Variants in SEMA6A observed in about 807,000 individuals in gnomAD.
SEMA6A encodes semaphorin 6A, also known as semaphorin-6A.
A neutral mutation model predicts 96.8 loss-of-function variants in SEMA6A; 25 were observed. The ratio of observed to expected loss-of-function variants is 0.26; its 90% CI spans 0.19 to 0.36. The LOEUF is 0.36. Ranked by LOEUF, SEMA6A falls within the 10% of genes least tolerant of loss-of-function variation. The pLI is 1.00. For synonymous variants in SEMA6A, 612 were observed against 518.0 expected (o/e 1.18, Z -2.46); for missense variants, 1,363 against 1,323.1 (o/e 1.03, Z -0.47).
At chr5:116,499,680 A>G (rs541196107) in intron 3 of SEMA6A, among the ~76,000 whole-genome samples, 2 of 152,366 alleles carry the variant, frequency 1.3e-5, no homozygotes, top group African/African-American at 4.8e-5. Context: ...TGTCAATGCT[A>G]CAGTGATACA....
At chr5:116,544,948 C>T (rs1217777978) in intron 1 of SEMA6A, among the ~76,000 whole-genome samples, 1 of 152,182 alleles carries the variant, frequency 6.6e-6, no homozygotes, top group Non-Finnish European at 1.5e-5. Context: ...TTTCAGTAAA[C>T]AACTTTCCTT....
chr5:116,450,686 T>C (rs1754569784), intron 18 of SEMA6A, among the ~76,000 whole-genome samples: 1 of 152,162 alleles, frequency 6.6e-6, no homozygotes, highest in African/African-American at 2.4e-5. Flanking sequence ...GAAAATGGTA[T>C]CTCAGACAGA....
At chr5:116,491,052 C>G (rs1430125857) in intron 7 of SEMA6A, among the ~76,000 whole-genome samples, 2 of 152,170 alleles carry the variant, frequency 1.3e-5, no homozygotes, top group Non-Finnish European at 2.9e-5. Context: ...TTAGCACCCT[C>G]CCCTCACCCA....
At chr5:116,542,310 T>C (rs1355113671) in intron 1 of SEMA6A, among the ~76,000 whole-genome samples, 1 of 152,232 alleles carries the variant, frequency 6.6e-6, no homozygotes, top group Non-Finnish European at 1.5e-5. Flanking sequence ...GACACTTCTT[T>C]GAAAAATAAA....
intron 11 of SEMA6A, 101 bp downstream of exon 11, chr5:116,482,343 A>G (rs1169421774): frequency 1.1e-5 from 14 of 1,291,616 alleles, no homozygotes; most frequent in Admixed American, 2.3e-5. Flanking sequence ...CTTGGCTGGC[A>G]TGGAAGGCAC....
At chr5:116,547,983 C>T (rs1404727136) in intron 1 of SEMA6A, among the ~76,000 whole-genome samples, 1 of 152,076 alleles carries the variant, frequency 6.6e-6, no homozygotes, top group East Asian at 1.9e-4. Context: ...GGGACTCTGA[C>T]CTTCATGGTA....
chr5:116,502,490 T>C (rs924954154), intron 2 of SEMA6A, 163 bp from the exon 3 acceptor site: 10 of 605,060 alleles, frequency 1.7e-5, no homozygotes, highest in Admixed American at 2.8e-5. Context: ...GGAAATATGA[T>C]AGAAGAGTGC....
intron 18 of SEMA6A, among the ~76,000 whole-genome samples, chr5:116,458,551 T>A (rs1444930940): frequency 1.3e-5 from 2 of 152,158 alleles, no homozygotes; most frequent in Non-Finnish European, 2.9e-5. Flanking sequence ...GTTGGCGTTT[T>A]AAAAGCAAAA....
intron 17 of SEMA6A, chr5:116,472,244 T>C (rs1039990173): frequency 6.6e-6 from 1 of 152,228 alleles, no homozygotes; most frequent in African/African-American, 2.4e-5. Flanking sequence ...GTAGCTTTGT[T>C]TAATATAGTG....
At chr5:116,509,055 A>C (rs991385049) in intron 1 of SEMA6A, among the ~76,000 whole-genome samples, 1 of 152,204 alleles carries the variant, frequency 6.6e-6, no homozygotes, top group African/African-American at 2.4e-5. Context: ...CCAACTGTCT[A>C]CATGTCCGGT....
In SEMA6A at chr5:116,488,907, G is replaced by A. The variant is rs373510249; in HGVS notation, c.636C>T (p.His212=). The A allele has an allele frequency of 1.9e-6, 3 of 1,580,406 alleles. No individual in the cohort carries two copies. Among genetic ancestry groups the A allele is most frequent in the South Asian group, 1.2e-5 (1 of 86,110 alleles). The change falls in exon 8 of 19, where the codon CAC becomes CAT. Residue 212 remains histidine, a synonymous_variant. Coordinates refer to ENST00000343348, the MANE Select transcript of SEMA6A (RefSeq NM_020796.5). The part of the protein sequence containing the change: ...GESPTLRTVK[H]DSKWLKEPYF... Reference sequence around the variant, plus strand: ...GTTCACCTTTCAACCATTTTGAATCGTGCTTGACGGTCCGCAGGGTAGGGC... The same window carrying A: ...GTTCACCTTTCAACCATTTTGAATCATGCTTGACGGTCCGCAGGGTAGGGC...
intron 1 of SEMA6A, among the ~76,000 whole-genome samples, chr5:116,513,595 G>C (rs1384586515): frequency 6.9e-6 from 1 of 145,168 alleles, no homozygotes; most frequent in Admixed American, 6.8e-5. Flanking sequence ...CCTTCCTCTT[G>C]ATTTTCTTTT....
At chr5:116,455,467 C>A (rs1004568603) in intron 18 of SEMA6A, among the ~76,000 whole-genome samples, 10 of 152,184 alleles carry the variant, frequency 6.6e-5, no homozygotes, top group Admixed American at 3.3e-4. Flanking sequence ...ACGAGAAACA[C>A]AACATCTAAG....
chr5:116,482,530 G>A lies in SEMA6A; in HGVS notation c.1008C>T (p.Ala336=). The change falls in exon 11 of 19, where the codon GCC becomes GCT. Residue 336 remains alanine, a synonymous_variant. Transcript: ENST00000343348. ...AVCAYDMLDI[A]SVFTGRFKEQ... ...CCTTGAATCTCCCAGTAAAAACACT[G>A]GCAATGTCAAGCATGTCATAGGCAC... The A allele has an allele frequency of 6.2e-7, 1 of 1,613,598 alleles. No individual in the cohort carries two copies. The highest frequency in any genetic ancestry group is 8.5e-7 in the Non-Finnish European group (1 of 1,179,648).
In SEMA6A at chr5:116,447,711, G is replaced by T; in HGVS notation, c.1995C>A (p.Phe665Leu). 1 of 1,613,990 alleles carries T rather than the reference G, an allele frequency of 6.2e-7. No homozygotes were observed. Among genetic ancestry groups the T allele is most frequent in the Non-Finnish European group, 8.5e-7 (1 of 1,179,858 alleles). ...AGACGCAGTAGACGGTGATGCCCGA[G>T]AAGACGGCCCCCATGACGAAAGCCA... ...VILAFVMGAV[F>L]SGITVYCVCD... The change falls in exon 19 of 19, where the codon TTC becomes TTA. Residue 665 changes from phenylalanine to leucine, a missense_variant. By Grantham distance (22) the Phe-to-Leu change is conservative. Coordinates refer to ENST00000343348, the MANE Select transcript of SEMA6A (RefSeq NM_020796.5).
chr5:116,458,002 TCTCAGGAAATTA>T (rs1755125113), intron 18 of SEMA6A, among the ~76,000 whole-genome samples: 3 of 152,150 alleles, frequency 2.0e-5, no homozygotes, highest in Non-Finnish European at 2.9e-5. Flanking sequence ...GAGAAGCTAT[TCTCAGGAAATTA>T]CCTGATTTCC....
Position 116,477,433 on chromosome 5 carries a change from A to G in SEMA6A, c.1649+413T>C, listed in dbSNP as rs116482628. 1.8e-4 allele frequency among the ~76,000 whole-genome samples: 28 copies of G among 152,300 alleles called. No homozygotes were observed. The East Asian group carries it at 5.2e-3, about 28-fold the overall frequency. ...TACATTGCTTAACAAATGTTCTGCA[A>G]TTTCTTCTCAGCCCTGCACAGTCAA... On this transcript the variant is annotated intron_variant, in intron 15 of 18. Transcript: ENST00000343348.
At position 116,448,170 on chromosome 5, in the gene SEMA6A, T is replaced by TAA. The variant is rs59202921; in HGVS notation, c.1895-361_1895-360dup. Reference sequence around the variant, plus strand: ...AAGATGGTGAAACCCCCGTCTCTACTAAAAAAAAAAAAAAAAAAAAAAAAA... The same window carrying TAA: ...AAGATGGTGAAACCCCCGTCTCTACTAAAAAAAAAAAAAAAAAAAAAAAAAAA... On this transcript the variant is annotated intron_variant, in intron 18 of 18. Coordinates refer to ENST00000343348, the MANE Select transcript of SEMA6A (RefSeq NM_020796.5). 2.9e-3 allele frequency among the ~76,000 whole-genome samples: 347 copies of TAA among 119,496 alleles called. 7 individuals carry two copies. Among genetic ancestry groups the TAA allele is most frequent in the South Asian group, 0.01 (38 of 3,778 alleles). The allele number at this position is 119,496 out of a possible 152,430, so 78.4% of individuals were successfully genotyped here. A position where few individuals can be genotyped will look rare whatever the true frequency, so the allele number is the denominator to read the frequency against.
chr5:116,519,632 C>G (rs1207526731), intron 1 of SEMA6A, among the ~76,000 whole-genome samples: 1 of 151,582 alleles, frequency 6.6e-6, no homozygotes, highest in African/African-American at 2.4e-5. Flanking sequence ...CCACTGCAGA[C>G]TATACATAAG....
Sources: gnomAD v4.1 joint callset for allele counts (sites outside exome capture counted in the v4.1 genomes callset) on GRCh38, gnomAD v4.1.1 for gene constraint, MANE v1.5 for transcripts, NCBI Gene and HGNC (gene_info 2026-07-23, HGNC 2026-07-21) for gene names.